The following AVEN variants were observed in gnomAD, a reference collection of about 807,000 sequenced individuals.
The protein encoded by AVEN is cell death regulator Aven.
AVEN carries 41 observed loss-of-function variants against 38.1 expected under a neutral mutation model. That is an observed-to-expected ratio of 1.08 (90% CI 0.84 to 1.40). AVEN has a LOEUF of 1.40. AVEN is among the 40% of genes most tolerant of loss of function. AVEN has a pLI of 0.00. For missense variants in AVEN, 605 were observed against 438.8 expected, an observed-to-expected ratio of 1.38 and a Z score of -3.38; for synonymous variants, 206 against 171.8, an observed-to-expected ratio of 1.20 and a Z score of -1.56.
chr15:34,048,464 G>T (rs895390373), intron 5 of AVEN, among the ~76,000 whole-genome samples: 17 of 151,018 alleles, frequency 1.1e-4, no homozygotes, highest in Non-Finnish European at 1.8e-4. Context: ...AGTGGGACCT[G>T]GATCCATTCC....
rs200739058 is a variant in AVEN at position 33,921,446 on chromosome 15, T to C, written c.446-45451A>G. On this transcript the variant is annotated intron_variant, in intron 2 of 5. Coordinates refer to ENST00000306730, the MANE Select transcript of AVEN (RefSeq NM_020371.3). ...GAACAGGGAGGAGAGTGAGAGAGAG[T>C]GCATTCCTGGAAGAAGGAACTTAGG... Among the ~76,000 whole-genome samples the C allele has an allele frequency of 2.2e-5, 3 of 137,628 alleles. 1 individual carries two copies. The highest frequency in any genetic ancestry group is 2.3e-4 in the South Asian group (1 of 4,290). The allele number at this position is 137,628 out of a possible 152,430, so 90.3% of individuals were successfully genotyped here. A position where few individuals can be genotyped will look rare whatever the true frequency, so the allele number is the denominator to read the frequency against.
intron 1 of AVEN, among the ~76,000 whole-genome samples, chr15:34,034,704 A>T (rs1899035629): frequency 6.6e-6 from 1 of 152,224 alleles, no homozygotes. Context: ...TGAGAAAAGC[A>T]ACTTAAAAAC....
intron 2 of AVEN, among the ~76,000 whole-genome samples, chr15:33,968,311 C>G (rs1024838689): frequency 6.6e-6 from 1 of 152,038 alleles, no homozygotes; most frequent in African/African-American, 2.4e-5. Context: ...CCTGGATTCT[C>G]TTCTCAATGA....
intron 2 of AVEN, among the ~76,000 whole-genome samples, chr15:33,953,370 G>A (rs572197642): frequency 1.3e-5 from 2 of 152,124 alleles, no homozygotes; most frequent in African/African-American, 2.4e-5. Flanking sequence ...GAGGCATCAC[G>A]CTACCTGACT....
At chr15:33,879,458 C>T (rs895161239) in intron 2 of AVEN, among the ~76,000 whole-genome samples, 6 of 150,240 alleles carry the variant, frequency 4.0e-5, no homozygotes, top group African/African-American at 1.2e-4. Flanking sequence ...TGCTAAATGA[C>T]GAGTTAATGG....
At chr15:34,035,808 T>A (rs556153513) in intron 1 of AVEN, among the ~76,000 whole-genome samples, 197 of 148,550 alleles carry the variant, frequency 1.3e-3, no homozygotes, top group Non-Finnish European at 2.3e-3. Context: ...GTAAGTTAGT[T>A]ATTTGAGACA....
chr15:34,014,909 T>C (rs772188771), intron 1 of AVEN, among the ~76,000 whole-genome samples: 2 of 152,012 alleles, frequency 1.3e-5, no homozygotes, highest in Non-Finnish European at 2.9e-5. Flanking sequence ...AGAAGAGGAA[T>C]AATAAAAGAT....
intron 1 of AVEN, among the ~76,000 whole-genome samples, chr15:34,070,992 G>A (rs550605079): frequency 1.7e-4 from 26 of 152,230 alleles, no homozygotes; most frequent in African/African-American, 5.5e-4. Context: ...AGTGTGCTTC[G>A]TGTCAATGCG....
In AVEN at chr15:33,918,458, C is replaced by CTTTTTT. The variant is rs33928063; in HGVS notation, c.446-42469_446-42464dup. On this transcript the variant is annotated intron_variant, in intron 2 of 5. Coordinates refer to ENST00000306730, the MANE Select transcript of AVEN (RefSeq NM_020371.3). ...GTGTCTTCCCAGTCTTAAATTACAG[C>CTTTTTT]TTTTTTTTTTTTTTTTTTTTTTTTT... Among the ~76,000 whole-genome samples, 27 of 84,506 alleles carry CTTTTTT rather than the reference C, an allele frequency of 3.2e-4. 2 individuals are homozygous for CTTTTTT. The highest frequency in any genetic ancestry group is 1.1e-3 in the African/African-American group (23 of 20,248). The allele number at this position is 84,506 out of a possible 152,430, so 55.4% of individuals were successfully genotyped here.
At chr15:33,870,367 C>T (rs1294039519) in intron 4 of AVEN, among the ~76,000 whole-genome samples, 2 of 152,134 alleles carry the variant, frequency 1.3e-5, no homozygotes, top group East Asian at 1.9e-4. Context: ...TTTTTATTAA[C>T]GCAAAGCTGA....
chr15:33,904,279 G>T (rs2153043832), intron 2 of AVEN, among the ~76,000 whole-genome samples: 1 of 152,240 alleles, frequency 6.6e-6, no homozygotes, highest in South Asian at 2.1e-4. Flanking sequence ...AATTAGCCAG[G>T]CATGATGGTA....
chr15:34,031,984 T>A (rs1898860456), intron 1 of AVEN, among the ~76,000 whole-genome samples: 2 of 151,280 alleles, frequency 1.3e-5, no homozygotes, highest in Admixed American at 1.3e-4. Context: ...ATTAAAGTAC[T>A]TATTTCTGGC....
intron 2 of AVEN, among the ~76,000 whole-genome samples, chr15:34,067,972 G>A (rs573664823): frequency 2.3e-4 from 35 of 152,290 alleles, no homozygotes; most frequent in African/African-American, 8.2e-4. Flanking sequence ...CAAAGAAGAA[G>A]CTGGAAGCAA....
chr15:33,854,963 A>G, downstream of AVEN: 1 of 1,520,210 alleles, frequency 6.6e-7, no homozygotes, highest in Non-Finnish European at 8.8e-7. Flanking sequence ...TGCACAGGAA[A>G]AAAAGAACAG....
At chr15:34,049,863 G>A (rs1173012239) in intron 5 of AVEN, among the ~76,000 whole-genome samples, 1 of 150,302 alleles carries the variant, frequency 6.7e-6, no homozygotes, top group Non-Finnish European at 1.5e-5. Flanking sequence ...AGCCAGAAGA[G>A]ACTGGGGCCA....
intron 11 of AVEN, chr15:33,859,670 C>T: frequency 1.2e-6 from 2 of 1,613,900 alleles, no homozygotes; most frequent in Non-Finnish European, 1.7e-6. Flanking sequence ...AAATGTATCG[C>T]ATTGTCTTTG....
At chr15:33,852,858 A>G in the AVEN span, 1 of 553,200 alleles carries the variant, frequency 1.8e-6, no homozygotes, top group Non-Finnish European at 3.3e-6. Flanking sequence ...ATACAAAGTA[A>G]TGAAGCCATA....
At chr15:33,919,523 A>G (rs545280548) in intron 2 of AVEN, among the ~76,000 whole-genome samples, 12 of 152,320 alleles carry the variant, frequency 7.9e-5, no homozygotes, top group African/African-American at 2.6e-4. Flanking sequence ...GGTGAAGTCA[A>G]TATCTATAAT....
intron 2 of AVEN, among the ~76,000 whole-genome samples, chr15:33,895,937 G>A (rs1892216303): frequency 6.6e-6 from 1 of 152,092 alleles, no homozygotes; most frequent in African/African-American, 2.4e-5. Flanking sequence ...CCTAATTCAT[G>A]CCTCCTAACG....
Sources: gnomAD v4.1 joint callset for allele counts (sites outside exome capture counted in the v4.1 genomes callset) on GRCh38, gnomAD v4.1.1 for gene constraint, MANE v1.5 for transcripts, NCBI Gene and HGNC (gene_info 2026-07-23, HGNC 2026-07-21) for gene names.